TTC7B: variants seen among roughly 807,000 people sequenced by gnomAD.
TTC7B encodes the protein tetratricopeptide repeat protein 7B.
A neutral mutation model predicts 106.8 loss-of-function variants in TTC7B; 28 were observed. The observed-to-expected ratio is 0.26, with a 90% confidence interval of 0.19 to 0.36. The LOEUF (loss-of-function observed/expected upper bound fraction) is 0.36, where lower values mean the gene tolerates loss of function less well. Among genes scored for constraint, TTC7B ranks in the 10% least tolerant of loss-of-function variants. The pLI is 1.00. For missense variants in TTC7B, 862 were observed against 1,076.4 expected (o/e 0.80, Z 2.79); for synonymous variants, 405 against 430.6 (o/e 0.94, Z 0.74).
chr14:90,680,533 A>T lies in TTC7B; in HGVS notation c.953T>A (p.Ile318Asn), dbSNP rs1162906370. ...TTCCGTATTTTCTTGAGGACAAAAA[A>T]TGCTGCAGTTGAAAGAAAACTGACT... ...RRARVYSGENIFCPQENTEEA... is the reference protein window; with the variant it reads ...RRARVYSGENNFCPQENTEEA... Residue 318 changes from isoleucine (I) to asparagine (N), a missense_variant and splice_region_variant, in exon 8 of 20, where the codon ATT becomes AAT. By Grantham distance (149) the Ile-to-Asn change is moderately radical (BLOSUM62 -3). Coordinates refer to ENST00000328459, the MANE Select transcript of TTC7B (RefSeq NM_001010854.2). 2 of 1,613,630 alleles carry T rather than the reference A, an allele frequency of 1.2e-6. No individual in the cohort carries two copies. The highest frequency in any genetic ancestry group is 1.7e-6 in the Non-Finnish European group (2 of 1,179,746).
At chr14:90,654,491 C>T (rs1227438470) in intron 12 of TTC7B, among the ~76,000 whole-genome samples, 3 of 152,192 alleles carry the variant, frequency 2.0e-5, no homozygotes, top group Non-Finnish European at 4.4e-5. Flanking sequence ...CCCAAGACCC[C>T]TAGGTGTCTT....
intron 1 of TTC7B, among the ~76,000 whole-genome samples, chr14:90,787,860 G>A (rs1683093542): frequency 6.6e-6 from 1 of 152,132 alleles, no homozygotes; most frequent in Non-Finnish European, 1.5e-5. Flanking sequence ...CATTAGACAT[G>A]CAAGAAGAAA....
chr14:90,724,949 C>A (rs1889034464), intron 5 of TTC7B, among the ~76,000 whole-genome samples: 2 of 152,180 alleles, frequency 1.3e-5, no homozygotes, highest in Middle Eastern at 3.2e-3. Flanking sequence ...CATGTCATAA[C>A]CTTTAAAGGT....
chr14:90,598,715 C>A (rs1219879203), intron 17 of TTC7B, among the ~76,000 whole-genome samples: 1 of 152,232 alleles, frequency 6.6e-6, no homozygotes, highest in Non-Finnish European at 1.5e-5. Flanking sequence ...GCAGGTGAAG[C>A]TTTTCCAAAA....
At position 90,528,116 on chromosome 14, in the gene TTC7B, C is replaced by G. The variant is rs116442443; in HGVS notation, c.*13252G>C. 1 of 152,134 alleles carries G rather than the reference C, an allele frequency of 6.6e-6. No individual in the cohort carries two copies. Among genetic ancestry groups the G allele is most frequent in the Admixed American group, 6.5e-5 (1 of 15,284 alleles). The allele number at this position is 152,134 out of a possible 1,614,324, so 9.4% of individuals were successfully genotyped here. A position where few individuals can be genotyped will look rare whatever the true frequency, so the allele number is the denominator to read the frequency against. ...AGCCATGGGGTCGCCTGCTGCCTCCCGGTTACCCATACAAACCATGGAAAC... is the reference window on the plus strand; with the variant it reads ...AGCCATGGGGTCGCCTGCTGCCTCCGGGTTACCCATACAAACCATGGAAAC... On this transcript the variant is annotated 3_prime_UTR_variant, in exon 20 of 20. Coordinates refer to ENST00000328459, the MANE Select transcript of TTC7B (RefSeq NM_001010854.2).
At chr14:90,627,945 G>A (rs528242241) in intron 15 of TTC7B, among the ~76,000 whole-genome samples, 13 of 152,238 alleles carry the variant, frequency 8.5e-5, no homozygotes, top group Non-Finnish European at 1.5e-4. Context: ...CTTACTGCCC[G>A]TGTTCCAAAG....
At chr14:90,790,670 A>C (rs1267212754) in intron 1 of TTC7B, among the ~76,000 whole-genome samples, 1 of 151,942 alleles carries the variant, frequency 6.6e-6, no homozygotes, top group Non-Finnish European at 1.5e-5. Flanking sequence ...TCTCCAAGCC[A>C]GGGAGCAGAA....
intron 1 of TTC7B, among the ~76,000 whole-genome samples, chr14:90,791,171 A>G (rs527567265): frequency 6.6e-6 from 1 of 152,206 alleles, no homozygotes; most frequent in South Asian, 2.1e-4. Flanking sequence ...ATTCACCGCT[A>G]CTTAGTGAAC....
At chr14:90,547,927 C>A (rs369396848) in intron 19 of TTC7B, among the ~76,000 whole-genome samples, 2 of 152,186 alleles carry the variant, frequency 1.3e-5, no homozygotes, top group Non-Finnish European at 2.9e-5. Context: ...GAGATAACGT[C>A]CCTGAAAGCA....
chr14:90,645,747 G>C (rs1885417990), intron 14 of TTC7B, among the ~76,000 whole-genome samples: 2 of 152,178 alleles, frequency 1.3e-5, no homozygotes, highest in African/African-American at 4.8e-5. Flanking sequence ...TGTCTTTAAG[G>C]GATAGCTGCC....
At chr14:90,779,725 A>G (rs1407068690) in intron 3 of TTC7B, among the ~76,000 whole-genome samples, 1 of 152,218 alleles carries the variant, frequency 6.6e-6, no homozygotes, top group Non-Finnish European at 1.5e-5. Flanking sequence ...GATTATGCCC[A>G]TTACAGATTG....
intron 19 of TTC7B, among the ~76,000 whole-genome samples, chr14:90,550,029 G>A (rs920215562): frequency 6.6e-6 from 1 of 152,100 alleles, no homozygotes; most frequent in Non-Finnish European, 1.5e-5. Context: ...GACAGGCAAG[G>A]GTTAAGTCAC....
At chr14:90,797,809 C>T (rs576441345) in intron 1 of TTC7B, among the ~76,000 whole-genome samples, 1 of 152,134 alleles carries the variant, frequency 6.6e-6, no homozygotes, top group Admixed American at 6.6e-5. Context: ...GCAAAAGATA[C>T]GAGACAACCT....
intron 3 of TTC7B, among the ~76,000 whole-genome samples, chr14:90,767,213 T>C (rs538850691): frequency 7.5e-4 from 114 of 152,134 alleles, no homozygotes; most frequent in African/African-American, 2.6e-3. Flanking sequence ...AGCAAGACCG[T>C]GTCTCAATAA....
At chr14:90,755,110 G>T (rs1192400238) in intron 3 of TTC7B, among the ~76,000 whole-genome samples, 1 of 152,074 alleles carries the variant, frequency 6.6e-6, no homozygotes, top group Non-Finnish European at 1.5e-5. Context: ...GCATTCATCA[G>T]CTGATGAACA....
At chr14:90,806,182 G>A (rs2030593125) in intron 1 of TTC7B, among the ~76,000 whole-genome samples, 1 of 152,226 alleles carries the variant, frequency 6.6e-6, no homozygotes, top group Admixed American at 6.5e-5. Flanking sequence ...AGAGTCTAGT[G>A]GTCACATTCC....
intron 3 of TTC7B, among the ~76,000 whole-genome samples, chr14:90,761,513 A>G (rs1396091624): frequency 2.6e-5 from 4 of 152,216 alleles, no homozygotes; most frequent in African/African-American, 9.6e-5. Flanking sequence ...ACTATCCTTG[A>G]AAAACTCTAG....
At chr14:90,770,427 C>T (rs1439971433) in intron 3 of TTC7B, among the ~76,000 whole-genome samples, 1 of 152,150 alleles carries the variant, frequency 6.6e-6, no homozygotes. Flanking sequence ...GAGGCTGAGG[C>T]GGGCAGATCA....
intron 3 of TTC7B, among the ~76,000 whole-genome samples, chr14:90,760,676 G>A (rs1677733754): frequency 6.6e-6 from 1 of 152,220 alleles, no homozygotes; most frequent in Admixed American, 6.5e-5. Context: ...CAGAGCCCTG[G>A]GGGGCATTGT....
Sources: gnomAD v4.1 joint callset for allele counts (sites outside exome capture counted in the v4.1 genomes callset) on GRCh38, gnomAD v4.1.1 for gene constraint, MANE v1.5 for transcripts, NCBI Gene and HGNC (gene_info 2026-07-23, HGNC 2026-07-21) for gene names.